The following TMEM132D variants were observed in gnomAD, a reference collection of about 807,000 sequenced individuals.
The protein encoded by TMEM132D is transmembrane protein 132D, also known as mature OL transmembrane protein.
In TMEM132D, 21 loss-of-function variants were observed where a neutral mutation model predicts 62.3. The ratio of observed to expected loss-of-function variants is 0.34; its 90% CI spans 0.24 to 0.49. TMEM132D has a LOEUF of 0.49. Ranked by LOEUF, TMEM132D falls within the 20% of genes least tolerant of loss-of-function variation. The pLI is 0.99. For synonymous variants in TMEM132D, 621 were observed against 575.6 expected, an observed-to-expected ratio of 1.08 and a Z score of -1.13; for missense variants, 1,346 against 1,402.8, an observed-to-expected ratio of 0.96 and a Z score of 0.65.
intron 1 of TMEM132D, among the ~76,000 whole-genome samples, chr12:129,824,506 A>G (rs187544851): frequency 2.9e-4 from 44 of 152,080 alleles, no homozygotes; most frequent in African/African-American, 1.0e-3. Context: ...GAGGTGAAGC[A>G]CTTAGGAGGT....
At chr12:129,228,529 G>A (rs2135577212) in intron 4 of TMEM132D, among the ~76,000 whole-genome samples, 1 of 152,028 alleles carries the variant, frequency 6.6e-6, no homozygotes, top group Non-Finnish European at 1.5e-5. Context: ...CTACCACCGT[G>A]CTTCAGCCCT....
chr12:129,100,398 G>A (rs1875262127), intron 5 of TMEM132D, among the ~76,000 whole-genome samples: 1 of 152,202 alleles, frequency 6.6e-6, no homozygotes, highest in African/African-American at 2.4e-5. Flanking sequence ...CAGAAGACTT[G>A]GAGAGCGTCT....
chr12:129,535,909 A>C (rs1281615130), intron 2 of TMEM132D, among the ~76,000 whole-genome samples: 1 of 151,884 alleles, frequency 6.6e-6, no homozygotes, highest in Non-Finnish European at 1.5e-5. Context: ...CAAGAAGAGA[A>C]ATTTGGATTG....
At chr12:129,717,758 T>A (rs1254965948) in intron 1 of TMEM132D, among the ~76,000 whole-genome samples, 2 of 152,018 alleles carry the variant, frequency 1.3e-5, no homozygotes, top group Non-Finnish European at 2.9e-5. Context: ...GTTGGTTTTA[T>A]CAAAATCTAA....
chr12:129,298,875 G>A (rs1881638829), intron 4 of TMEM132D, among the ~76,000 whole-genome samples: 1 of 151,552 alleles, frequency 6.6e-6, no homozygotes, highest in South Asian at 2.1e-4. Flanking sequence ...TCTTCTTTAT[G>A]AGCACTCATT....
At chr12:129,422,213 A>G (rs1872348158) in intron 3 of TMEM132D, among the ~76,000 whole-genome samples, 1 of 152,210 alleles carries the variant, frequency 6.6e-6, no homozygotes, top group South Asian at 2.1e-4. Flanking sequence ...AAGAGACAAA[A>G]AAAGAATATC....
rs1313754651 is a variant in TMEM132D, at chr12:129,700,281, G to A, written c.497C>T (p.Pro166Leu). 2.2e-5 allele frequency: 36 copies of A among 1,613,450 alleles called. No individual in the cohort carries two copies. Among genetic ancestry groups the A allele is most frequent in the African/African-American group, 4.0e-5 (3 of 74,930 alleles). The change falls in exon 2 of 9, where the codon CCG becomes CTG. Residue 166 changes from proline to leucine, a missense_variant. Coordinates refer to ENST00000422113, the MANE Select transcript of TMEM132D (RefSeq NM_133448.3). Reference protein sequence around the residue: ...WDDRSAGEKLPCLRVFAFRET... With the variant: ...WDDRSAGEKLLCLRVFAFRET... ...TCGGAAAGCAAAGACCCTCAGGCACGGCAGCTTCTCCCCGGCGCTGCGGTC... is the reference window on the plus strand; with the variant it reads ...TCGGAAAGCAAAGACCCTCAGGCACAGCAGCTTCTCCCCGGCGCTGCGGTC...
intron 1 of TMEM132D, among the ~76,000 whole-genome samples, chr12:129,764,590 TTGTATG>T (rs1452280974): frequency 3.8e-5 from 1 of 26,172 alleles, no homozygotes; most frequent in Non-Finnish European, 1.3e-4. Context: ...GTATGTGTGT[TTGTATG>T]TGTGTGTGTG....
intron 3 of TMEM132D, 36 bp from the exon 4 acceptor site, chr12:129,337,853 G>T: frequency 6.4e-7 from 1 of 1,563,844 alleles, no homozygotes; most frequent in Non-Finnish European, 8.7e-7. Context: ...AGCTTTCAGG[G>T]ACTGATGAGG....
At chr12:129,850,312 G>A (rs1319793697) in intron 1 of TMEM132D, among the ~76,000 whole-genome samples, 1 of 152,178 alleles carries the variant, frequency 6.6e-6, no homozygotes, top group African/African-American at 2.4e-5. Flanking sequence ...GGGCCCCCAA[G>A]TCATAATTCA....
chr12:129,750,600 A>G (rs980196213), intron 1 of TMEM132D, among the ~76,000 whole-genome samples: 1 of 152,216 alleles, frequency 6.6e-6, no homozygotes, highest in African/African-American at 2.4e-5. Context: ...AGAGGCCACA[A>G]GGTCCTGTGT....
chr12:129,817,377 C>T (rs754340911), intron 1 of TMEM132D, among the ~76,000 whole-genome samples: 5 of 152,096 alleles, frequency 3.3e-5, no homozygotes, highest in Admixed American at 1.3e-4. Context: ...AACCAGACGC[C>T]GTAACAAGAA....
chr12:129,216,130 C>G (rs1032204303), intron 4 of TMEM132D, among the ~76,000 whole-genome samples: 3 of 152,210 alleles, frequency 2.0e-5, no homozygotes, highest in African/African-American at 7.2e-5. Flanking sequence ...AGTTACTTAA[C>G]TCTTCGTGCC....
intron 3 of TMEM132D, among the ~76,000 whole-genome samples, chr12:129,374,983 G>A (rs11060288): frequency 0.4 from 61,335 of 151,956 alleles, 12,632 homozygotes; most frequent in Middle Eastern, 0.48. Context: ...CCTCCCTACC[G>A]GGGCACATTT....
At chr12:129,148,764 G>A (rs1876985473) in intron 5 of TMEM132D, among the ~76,000 whole-genome samples, 1 of 152,204 alleles carries the variant, frequency 6.6e-6, no homozygotes. Context: ...CTCCACAGCT[G>A]CATGCCAGGG....
rs76431390 is a variant in TMEM132D at position 129,867,502 on chromosome 12, G to A, written c.79+35759C>T. Reference sequence around the variant, plus strand: ...GGGAAAACCTTCTATTATGCCAGATGAGCAAGTTCTAGAGTTCGAATGAAC... The same window carrying A: ...GGGAAAACCTTCTATTATGCCAGATAAGCAAGTTCTAGAGTTCGAATGAAC... On this transcript the variant is annotated intron_variant, in intron 1 of 8. Coordinates refer to ENST00000422113, the MANE Select transcript of TMEM132D (RefSeq NM_133448.3). The surrounding 1 kb of genome is among the most constrained non-coding windows in gnomAD (Gnocchi z 4.5). Among the ~76,000 whole-genome samples, 1,863 of 152,310 alleles carry A rather than the reference G, an allele frequency of 0.012. 21 individuals carry two copies. Among genetic ancestry groups the A allele is most frequent in the Non-Finnish European group, 0.019 (1,292 of 68,018 alleles).
intron 5 of TMEM132D, among the ~76,000 whole-genome samples, chr12:129,109,051 CT>C (rs1187679804): frequency 6.6e-6 from 1 of 152,182 alleles, no homozygotes; most frequent in East Asian, 1.9e-4. Flanking sequence ...CAACTTTGTA[CT>C]ATTACCAGAG....
At chr12:129,862,665 G>T (rs1311115241) in intron 1 of TMEM132D, among the ~76,000 whole-genome samples, 1 of 152,192 alleles carries the variant, frequency 6.6e-6, no homozygotes, top group South Asian at 2.1e-4. Context: ...CTTTCATGCT[G>T]GAGGACTGTT....
At chr12:129,327,254 C>G (rs552362545) in intron 4 of TMEM132D, among the ~76,000 whole-genome samples, 1 of 152,220 alleles carries the variant, frequency 6.6e-6, no homozygotes, top group South Asian at 2.1e-4. Flanking sequence ...AGGAAAGACC[C>G]CAGGGGCACA....
Sources: allele counts gnomAD v4.1 joint callset (sites outside exome capture counted in the v4.1 genomes callset), GRCh38; gene constraint gnomAD v4.1.1; non-coding constraint Gnocchi (gnomAD v3.1); transcripts MANE v1.5; gene names NCBI Gene and HGNC (gene_info 2026-07-23, HGNC 2026-07-21).